Variants in ANO7 observed in about 807,000 individuals in gnomAD.
ANO7 encodes anoctamin-7.
In ANO7, 114 loss-of-function variants were observed where a neutral mutation model predicts 115.8. The ratio of observed to expected loss-of-function variants is 0.98; its 90% CI spans 0.85 to 1.15. The LOEUF (loss-of-function observed/expected upper bound fraction) is 1.15. Among genes scored for constraint, ANO7 ranks in the 50% most tolerant of loss-of-function variants. ANO7 has a pLI of 0.00. For synonymous variants in ANO7, 550 were observed against 498.2 expected (o/e 1.10, Z -1.38); for missense variants, 1,302 against 1,201.2 (o/e 1.08, Z -1.24).
the ANO7 span, chr2:241,236,891 A>T: frequency 1.1e-6 from 1 of 873,224 alleles, no homozygotes; most frequent in Non-Finnish European, 1.7e-6. Flanking sequence ...AGGGAAAACC[A>T]CTCCTGTCCT....
In ANO7 at chr2:241,203,509, C is replaced by G. The variant is rs527321479; in HGVS notation, c.889+11C>G. On this transcript the variant is annotated intron_variant, in intron 9 of 24. Transcript: ENST00000674324. The surrounding 1 kb of genome is among the most constrained non-coding windows in gnomAD (Gnocchi z 4.8). ...ACTTCGCCTGGCTCGGTGAGTCCCCCCCGCTGCCCCCCAGACCACCTGGGC... is the reference window on the plus strand; with the variant it reads ...ACTTCGCCTGGCTCGGTGAGTCCCCGCCGCTGCCCCCCAGACCACCTGGGC... 1 of 1,455,098 alleles carries G rather than the reference C, an allele frequency of 6.9e-7. No homozygotes were observed. Among genetic ancestry groups the G allele is most frequent in the South Asian group, 1.4e-5 (1 of 69,492 alleles). The allele number at this position is 1,455,098 out of a possible 1,614,324, so 90.1% of individuals were successfully genotyped here. A position where few individuals can be genotyped will look rare whatever the true frequency, so the allele number is the denominator to read the frequency against.
intron 9 of ANO7, among the ~76,000 whole-genome samples, chr2:241,204,319 C>G (rs915412144): frequency 6.6e-6 from 1 of 152,062 alleles, no homozygotes; most frequent in Admixed American, 6.6e-5. Flanking sequence ...AGACAGGACA[C>G]CAGGCCTGGG....
At chr2:241,189,004 C>T (rs533386857) in intron 1 of ANO7, among the ~76,000 whole-genome samples, 1 of 152,322 alleles carries the variant, frequency 6.6e-6, no homozygotes, top group African/African-American at 2.4e-5. Context: ...CCCAGGGGCT[C>T]CCCCATGGAG....
At chr2:241,204,320 C>G (rs2068539890) in intron 9 of ANO7, among the ~76,000 whole-genome samples, 1 of 152,024 alleles carries the variant, frequency 6.6e-6, no homozygotes, top group Non-Finnish European at 1.5e-5. Flanking sequence ...GACAGGACAC[C>G]AGGCCTGGGA....
intron 10 of ANO7, 125 bp downstream of exon 10, chr2:241,205,080 G>A (rs900253612): frequency 2.7e-6 from 2 of 754,504 alleles, no homozygotes; most frequent in South Asian, 1.6e-5. Flanking sequence ...TGAGGTGTGA[G>A]GTGAGCACAT....
intron 3 of ANO7, among the ~76,000 whole-genome samples, chr2:241,195,031 G>A (rs1204312783): frequency 6.6e-6 from 1 of 152,212 alleles, no homozygotes; most frequent in East Asian, 1.9e-4. Context: ...CTGCCTCTGT[G>A]TATGAATAGC....
the ANO7 span, chr2:241,235,378 A>C: frequency 2.7e-6 from 4 of 1,493,762 alleles, no homozygotes; most frequent in South Asian, 4.6e-5. Flanking sequence ...GTCAGTGCCC[A>C]GTCCGAGCAG....
At chr2:241,210,208 T>C (rs111886881) in intron 13 of ANO7, 87 bp from the exon 14 acceptor site, 1 of 1,315,274 alleles carries the variant, frequency 7.6e-7, no homozygotes, top group South Asian at 1.2e-5. Context: ...AGCAGTGGAC[T>C]AGAAGAGCTG....
chr2:241,189,922 G>A (rs897931580), intron 1 of ANO7, 135 bp from the exon 2 acceptor site: 8 of 644,718 alleles, frequency 1.2e-5, no homozygotes, highest in African/African-American at 3.7e-5. Context: ...AGAGTCTGCC[G>A]AGCCAGCCCA....
At chr2:241,226,488 G>T (rs529012838), downstream of ANO7, among the ~76,000 whole-genome samples, 2 of 151,120 alleles carry the variant, frequency 1.3e-5, no homozygotes, top group Non-Finnish European at 2.9e-5. Context: ...GCAGTGGTAC[G>T]ATCTCGGCTC....
intron 21 of ANO7, 26 bp from the exon 22 acceptor site, chr2:241,223,160 C>T (rs771526693): frequency 1.7e-5 from 28 of 1,604,598 alleles, no homozygotes; most frequent in African/African-American, 6.7e-5. Context: ...CCTGGCTGCG[C>T]GCACTGAGTC....
intron 4 of ANO7, among the ~76,000 whole-genome samples, chr2:241,196,554 C>G (rs1294268387): frequency 6.6e-6 from 1 of 152,260 alleles, no homozygotes; most frequent in Non-Finnish European, 1.5e-5. Flanking sequence ...TTATGTTCAT[C>G]CCACTCGGGG....
chr2:241,231,749 T>G, the ANO7 span, among the ~76,000 whole-genome samples: 1 of 151,988 alleles, frequency 6.6e-6, no homozygotes, highest in Non-Finnish European at 1.5e-5. Context: ...CATACCAGAC[T>G]TGGGATAGCA....
intron 10 of ANO7, among the ~76,000 whole-genome samples, chr2:241,206,703 GAC>G (rs1469539961): frequency 2.9e-5 from 1 of 34,388 alleles, no homozygotes; most frequent in Non-Finnish European, 5.2e-5. Flanking sequence ...CTACCAGGCT[GAC>G]ACAGGTGGAC....
rs764180440 is a variant in ANO7 at position 241,195,794 on chromosome 2, G to A, written c.258G>A (p.Trp86Ter). The change falls in exon 4 of 25, where the codon TGG (tryptophan) becomes TGA (stop). Residue 86 changes from tryptophan (W) to a stop codon, truncating the protein, a stop_gained. Transcript: ENST00000674324. LOFTEE classifies it high-confidence loss of function. ...ACAGAACAGACATGCACAGGACCTG[G>A]CGGGAGACTTTTCTGGATAATCTTC... The part of the protein sequence containing the change: ...ARDRTDMHRT[W>*]RETFLDNLRA... The A allele has an allele frequency of 1.2e-6, 2 of 1,614,270 alleles. No individual in the cohort carries two copies. Among genetic ancestry groups the A allele is most frequent in the South Asian group, 1.1e-5 (1 of 91,092 alleles).
the ANO7 span, chr2:241,235,743 C>T: frequency 3.3e-6 from 2 of 599,022 alleles, no homozygotes; most frequent in Non-Finnish European, 6.0e-6. Context: ...GGACCTTTAA[C>T]TCAATAGAAA....
intron 11 of ANO7, 135 bp from the exon 12 acceptor site, chr2:241,209,150 A>T (rs2068660301): frequency 2.6e-6 from 3 of 1,154,948 alleles, no homozygotes; most frequent in South Asian, 1.6e-5. Context: ...CTCCGTCTCA[A>T]GCAAACAAAC....
rs527350776 is a variant in ANO7 at position 241,211,141 on chromosome 2, C to T, written c.1561+571C>T. 2.6e-5 allele frequency among the ~76,000 whole-genome samples: 4 copies of T among 152,274 alleles called. 1 individual carries two copies. The South Asian group carries it at 6.2e-4, about 24-fold the overall frequency. ...AGGGCCTTCCTGGAGATAAAAGACC[C>T]TGGGGGCACTCCAGCACCCAAAGAG... On this transcript the variant is annotated intron_variant, in intron 15 of 24. Transcript: ENST00000674324.
rs2068511267 is a variant in ANO7, at chr2:241,203,255, C to A, written c.724-78C>A. 1.6e-6 allele frequency: 2 copies of A among 1,240,640 alleles called. No homozygotes were observed. The highest frequency in any genetic ancestry group is 2.2e-6 in the Non-Finnish European group (2 of 926,452). 76.9% of individuals were successfully genotyped at this position (1,240,640 alleles called of 1,614,324 possible). A position where few individuals can be genotyped will look rare whatever the true frequency, so the allele number is the denominator to read the frequency against. On this transcript the variant is annotated intron_variant, in intron 8 of 24. Transcript: ENST00000674324. The surrounding 1 kb of genome is among the most constrained non-coding windows in gnomAD (Gnocchi z 4.8). ...CAGGCCTGTCTGCCCATGTCCCACACTGAAGCCCCTGCACCTACAACAGTG... is the reference window on the plus strand; with the variant it reads ...CAGGCCTGTCTGCCCATGTCCCACAATGAAGCCCCTGCACCTACAACAGTG...
Sources: allele counts gnomAD v4.1 joint callset (sites outside exome capture counted in the v4.1 genomes callset), GRCh38; gene constraint gnomAD v4.1.1; non-coding constraint Gnocchi (gnomAD v3.1); transcripts MANE v1.5; gene names NCBI Gene and HGNC (gene_info 2026-07-23, HGNC 2026-07-21).